Variants in HMSD observed in about 807,000 individuals in gnomAD.
HMSD encodes the protein histocompatibility minor serpin domain containing.
A neutral mutation model predicts 10.0 loss-of-function variants in HMSD; 13 were observed. The ratio of observed to expected loss-of-function variants is 1.31; its 90% CI spans 0.85 to 2.08. The LOEUF is 2.08. HMSD is among the 30% of genes most tolerant of loss of function. HMSD has a pLI of 0.00. For missense variants in HMSD, 169 were observed against 166.3 expected (o/e 1.02, Z -0.09); for synonymous variants, 51 against 54.2 (o/e 0.94, Z 0.26).
chr18:63,953,582 T>C, intron 2 of HMSD, 55 bp downstream of exon 2: 2 of 1,389,318 alleles, frequency 1.4e-6, no homozygotes, highest in African/African-American at 1.4e-5. Flanking sequence ...TCAGTTGAGC[T>C]GGACTTCTGC....
intron 3 of HMSD, among the ~76,000 whole-genome samples, chr18:63,967,228 G>A (rs1434222834): frequency 6.6e-6 from 1 of 152,166 alleles, no homozygotes; most frequent in Non-Finnish European, 1.5e-5. Context: ...ACCTCCCGAG[G>A]TTCAAGCAGT....
At position 63,956,949 on chromosome 18, in the gene HMSD, A is replaced by G. The variant is rs2050361805; in HGVS notation, c.222+2392A>G. Among the ~76,000 whole-genome samples, 3 of 152,308 alleles carry G rather than the reference A, an allele frequency of 2.0e-5. No individual in the cohort carries two copies. The South Asian group carries it at 6.2e-4, about 32-fold the overall frequency. On this transcript the variant is annotated intron_variant, in intron 3 of 3. Transcript: ENST00000408945. ...ACAGAGATGGAACTGGAGGCTATTA[A>G]TCATAAGCAAACTAATACGGGAGTA...
rs2050338699 is a variant in HMSD, at chr18:63,952,940, T to TTTC, written c.-102-408_-102-406dup. Reference sequence around the variant, plus strand: ...TTACCAGTATTGGAAATCAATAGTTTTTCTTCTTACAAATTTCATGTTTTA... The same window carrying TTTC: ...TTACCAGTATTGGAAATCAATAGTTTTTCTTCTTCTTACAAATTTCATGTTTTA... On this transcript the variant is annotated intron_variant, in intron 1 of 3. Coordinates refer to ENST00000408945, the MANE Select transcript of HMSD (RefSeq NM_001123366.2). Among the ~76,000 whole-genome samples, 3 of 152,220 alleles carry TTTC rather than the reference T, an allele frequency of 2.0e-5. No individual in the cohort carries two copies. The South Asian group carries it at 6.2e-4, about 32-fold the overall frequency.
intron 3 of HMSD, among the ~76,000 whole-genome samples, chr18:63,957,447 A>G (rs1054883627): frequency 2.6e-5 from 4 of 151,940 alleles, no homozygotes; most frequent in Non-Finnish European, 4.4e-5. Context: ...TCTTTTTCTT[A>G]TTGACTTATA....
Position 63,960,197 on chromosome 18 carries a change from A to C in HMSD, c.262A>C (p.Ile88Leu), listed in dbSNP as rs759360805. 11 of 1,612,856 alleles carry C rather than the reference A, an allele frequency of 6.8e-6. No individual in the cohort carries two copies. In the South Asian group the frequency reaches 1.0e-4, roughly 15 times the overall value. ...DSCGKFYQAT[I>L]KQLDFVNDTE... ...CTGTGGCAAATTCTACCAAGCAACG[A>C]TAAAACAGCTAGACTTTGTGAATGA... The change falls in exon 4 of 4, where the codon ATA (isoleucine) becomes CTA (leucine). Residue 88 changes from isoleucine to leucine, a missense_variant. Ile to Leu is a conservative substitution (Grantham distance 5, BLOSUM62 2). Transcript: ENST00000408945.
intron 3 of HMSD, among the ~76,000 whole-genome samples, chr18:63,959,451 C>T (rs2050375098): frequency 6.6e-6 from 1 of 152,128 alleles, no homozygotes; most frequent in Non-Finnish European, 1.5e-5. Context: ...AATTTTCAGC[C>T]ATCTTTCTCT....
downstream of HMSD, among the ~76,000 whole-genome samples, chr18:63,963,133 C>CTTTCTTTCTTTCTTTCTTTT (rs748638278): frequency 4.3e-4 from 47 of 108,416 alleles, no homozygotes; most frequent in African/African-American, 1.5e-3. Context: ...TTCTTTCTTT[C>CTTTCTTTCTTTCTTTCTTTT]CTTTCTTTCT....
intron 3 of HMSD, chr18:63,966,898 T>C (rs1599115982): frequency 6.6e-6 from 1 of 152,336 alleles, no homozygotes; most frequent in Middle Eastern, 3.4e-3. Context: ...GCGTCAACAA[T>C]ATGGTTCTTT....
intron 3 of HMSD, among the ~76,000 whole-genome samples, chr18:63,959,052 A>C (rs577538148): frequency 1.7e-4 from 26 of 152,322 alleles, no homozygotes; most frequent in African/African-American, 6.3e-4. Context: ...AAAATTGAGC[A>C]AAAGGTACAT....
intron 1 of HMSD, among the ~76,000 whole-genome samples, chr18:63,951,453 G>A (rs2050330079): frequency 6.6e-6 from 1 of 152,188 alleles, no homozygotes; most frequent in South Asian, 2.1e-4. Flanking sequence ...CAGCAGGGGG[G>A]AAACTGTGGG....
At chr18:63,954,327 T>C (rs2050346308) in intron 2 of HMSD, 81 bp from the exon 3 acceptor site, 1 of 949,634 alleles carries the variant, frequency 1.1e-6, no homozygotes, top group Non-Finnish European at 1.6e-6. Flanking sequence ...AAATCTCATA[T>C]TGCTGAGTTT....
At position 63,954,388 on chromosome 18, in the gene HMSD, TA is replaced by T. The variant is rs1288235823; in HGVS notation, c.73-19del. The T allele has an allele frequency of 8.2e-6, 13 of 1,583,184 alleles. No individual in the cohort carries two copies. The highest frequency in any genetic ancestry group is 1.1e-5 in the Non-Finnish European group (13 of 1,153,928). On this transcript the variant is annotated intron_variant, in intron 2 of 3. Coordinates refer to ENST00000408945, the MANE Select transcript of HMSD (RefSeq NM_001123366.2). ...ACAGAATACTGAGAATGTGTATGTT[TA>T]TTATTATTTTATTTTCAGGCACTTT...
In HMSD at chr18:63,961,185, C is replaced by A. The variant is rs1024189570; in HGVS notation, c.*830C>A. The A allele has an allele frequency of 1.5e-5, 2 of 133,888 alleles. No individual in the cohort carries two copies. Among genetic ancestry groups the A allele is most frequent in the African/African-American group, 7.0e-5 (2 of 28,604 alleles). The allele number at this position is 133,888 out of a possible 1,614,324, so 8.3% of individuals were successfully genotyped here. A position where few individuals can be genotyped will look rare whatever the true frequency, so the allele number is the denominator to read the frequency against. On this transcript the variant is annotated 3_prime_UTR_variant, in exon 4 of 4. Coordinates refer to ENST00000408945, the MANE Select transcript of HMSD (RefSeq NM_001123366.2). ...TGTAAATGGAGTAACCTCTAAGTAT[C>A]CAAGCAGGAGGGTGTTTTTTTTTTT...
intron 3 of HMSD, among the ~76,000 whole-genome samples, chr18:63,957,143 A>G (rs921086712): frequency 6.6e-6 from 1 of 152,154 alleles, no homozygotes; most frequent in Non-Finnish European, 1.5e-5. Flanking sequence ...TACATGGTTG[A>G]TGAAATAATC....
chr18:63,959,067 A>G (rs1318801338), intron 3 of HMSD, among the ~76,000 whole-genome samples: 1 of 152,198 alleles, frequency 6.6e-6, no homozygotes, highest in Non-Finnish European at 1.5e-5. Flanking sequence ...GTACATGCAT[A>G]GTCCCTCCTG....
chr18:63,967,568 G>A (rs2050415612), intron 3 of HMSD, among the ~76,000 whole-genome samples: 3 of 152,272 alleles, frequency 2.0e-5, no homozygotes, highest in Admixed American at 6.5e-5. Context: ...ATTTGGAGAC[G>A]GTGGTAGCTC....
At chr18:63,953,976 G>T (rs1354627460) in intron 2 of HMSD, among the ~76,000 whole-genome samples, 1 of 152,216 alleles carries the variant, frequency 6.6e-6, no homozygotes, top group Admixed American at 6.5e-5. Context: ...GCATTCTGCT[G>T]TTTAGAGCAA....
intron 1 of HMSD, among the ~76,000 whole-genome samples, chr18:63,950,910 G>T (rs1201744566): frequency 6.6e-6 from 1 of 152,146 alleles, no homozygotes; most frequent in East Asian, 1.9e-4. Context: ...GAGATGGTCT[G>T]TTATTAATTT....
In HMSD at chr18:63,960,323, A is replaced by G. The variant is rs2144763196; in HGVS notation, c.388A>G (p.Ile130Val). ...FYFDNILNSF[I>V]VSSLQNCQI ...TTTCGATAATATTTTAAACAGTTTT[A>G]TAGTCAGTTCTTTACAAAACTGTCA... The change falls in exon 4 of 4, where the codon ATA (isoleucine) becomes GTA (valine). Residue 130 changes from isoleucine to valine, a missense_variant. By Grantham distance (29) the Ile-to-Val change is conservative. Transcript: ENST00000408945. 5.6e-6 allele frequency: 9 copies of G among 1,596,826 alleles called. No homozygotes were observed. Among genetic ancestry groups the G allele is most frequent in the Non-Finnish European group, 7.7e-6 (9 of 1,171,450 alleles).
Sources: gnomAD v4.1 joint callset for allele counts (sites outside exome capture counted in the v4.1 genomes callset) on GRCh38, gnomAD v4.1.1 for gene constraint, MANE v1.5 for transcripts, NCBI Gene and HGNC (gene_info 2026-07-23, HGNC 2026-07-21) for gene names.